The following DGKI variants were observed in gnomAD, a reference collection of about 807,000 sequenced individuals.
The protein encoded by DGKI is DAG kinase iota.
A neutral mutation model predicts 147.5 loss-of-function variants in DGKI; 55 were observed. That is an observed-to-expected ratio of 0.37 (90% CI 0.30 to 0.47). The LOEUF is 0.47. Ranked by LOEUF, DGKI falls within the 20% of genes least tolerant of loss-of-function variation. DGKI has a pLI of 1.00. For synonymous variants in DGKI, 469 were observed against 477.1 expected, an observed-to-expected ratio of 0.98 and a Z score of 0.22; for missense variants, 1,007 against 1,323.8, an observed-to-expected ratio of 0.76 and a Z score of 3.71.
chr7:137,455,023 A>G (rs1464615476), intron 27 of DGKI: 4 of 152,176 alleles, frequency 2.6e-5, no homozygotes, highest in Non-Finnish European at 4.4e-5. Flanking sequence ...CGGATATGCA[A>G]TATCTCCCTG....
rs143165394 is a variant in DGKI at position 137,401,691 on chromosome 7, T to G, written c.2921-4278A>C. 1.9e-3 allele frequency among the ~76,000 whole-genome samples: 283 copies of G among 152,308 alleles called. 2 individuals carry two copies. The highest frequency in any genetic ancestry group is 6.4e-3 in the African/African-American group (264 of 41,570). ...AAATTGTCAGCAGAGAATTCACTGT[T>G]GTTTCCTCAATAGAAAAGGAAATCT... On this transcript the variant is annotated intron_variant, in intron 30 of 32. Coordinates refer to ENST00000614521, the MANE Select transcript of DGKI (RefSeq NM_001321708.2).
intron 6 of DGKI, among the ~76,000 whole-genome samples, chr7:137,626,722 T>A (rs1820956443): frequency 6.6e-6 from 1 of 152,092 alleles, no homozygotes; most frequent in South Asian, 2.1e-4. Flanking sequence ...GAGACCCGAG[T>A]GCCTCTGTCC....
chr7:137,670,727 C>T (rs1036641025), intron 3 of DGKI, among the ~76,000 whole-genome samples: 10 of 152,212 alleles, frequency 6.6e-5, no homozygotes, highest in East Asian at 1.9e-4. Context: ...ACTCAGAGAG[C>T]GGGCTTTGCC....
chr7:137,768,731 T>C (rs762281077), intron 1 of DGKI, among the ~76,000 whole-genome samples: 1 of 152,132 alleles, frequency 6.6e-6, no homozygotes, highest in Non-Finnish European at 1.5e-5. Flanking sequence ...CTTGCCTTCC[T>C]CCTCCAGAGC....
chr7:137,716,743 C>T (rs75021861), intron 1 of DGKI, among the ~76,000 whole-genome samples: 2 of 152,198 alleles, frequency 1.3e-5, no homozygotes, highest in African/African-American at 4.8e-5. Flanking sequence ...TGTCCGAATT[C>T]CCCAAGATCA....
At chr7:137,752,161 T>TA (rs1173347553) in intron 1 of DGKI, among the ~76,000 whole-genome samples, 1 of 151,644 alleles carries the variant, frequency 6.6e-6, no homozygotes, top group Non-Finnish European at 1.5e-5. Flanking sequence ...CCCTGGATAA[T>TA]AAAAGTTGTG....
rs192127433 is a variant in DGKI, at chr7:137,387,793, C to A, written c.*3427G>T. On this transcript the variant is annotated 3_prime_UTR_variant, in exon 33 of 33. Coordinates refer to ENST00000614521, the MANE Select transcript of DGKI (RefSeq NM_001321708.2). ...GTGCCATTTTTATAATTTAAAAAAACCCCTAAATATTATTAATAAAATTGA... is the reference window on the plus strand; with the variant it reads ...GTGCCATTTTTATAATTTAAAAAAAACCCTAAATATTATTAATAAAATTGA... 23 of 152,074 alleles carry A rather than the reference C, an allele frequency of 1.5e-4. No individual in the cohort carries two copies. Among genetic ancestry groups the A allele is most frequent in the Admixed American group, 2.6e-4 (4 of 15,254 alleles). The allele number at this position is 152,074 out of a possible 1,614,324, so 9.4% of individuals were successfully genotyped here.
At chr7:137,691,695 C>T (rs1823608139) in intron 1 of DGKI, among the ~76,000 whole-genome samples, 1 of 151,928 alleles carries the variant, frequency 6.6e-6, no homozygotes, top group African/African-American at 2.4e-5. Context: ...AGCCCCCAAG[C>T]CTGAGGAAAC....
At chr7:137,432,843 G>T (rs1394706943) in intron 28 of DGKI, among the ~76,000 whole-genome samples, 2 of 152,138 alleles carry the variant, frequency 1.3e-5, no homozygotes, top group Admixed American at 1.3e-4. Context: ...CCCTGGTAAG[G>T]CCAAAGGGAT....
chr7:137,432,473 C>G (rs1813118218), intron 28 of DGKI, among the ~76,000 whole-genome samples: 1 of 152,214 alleles, frequency 6.6e-6, no homozygotes, highest in South Asian at 2.1e-4. Flanking sequence ...CACACTTCAT[C>G]TCTTCCTGTC....
At chr7:137,770,981 T>A (rs1324135890) in intron 1 of DGKI, among the ~76,000 whole-genome samples, 1 of 152,210 alleles carries the variant, frequency 6.6e-6, no homozygotes, top group East Asian at 1.9e-4. Context: ...AATGAGTAAA[T>A]AAGGAGTGAA....
chr7:137,491,259 G>C (rs1815754128), intron 21 of DGKI, among the ~76,000 whole-genome samples: 1 of 152,298 alleles, frequency 6.6e-6, no homozygotes, highest in South Asian at 2.1e-4. Context: ...ACCCATTGTG[G>C]AAAGGCACAG....
At chr7:137,455,584 T>C (rs1436081797) in intron 27 of DGKI, among the ~76,000 whole-genome samples, 1 of 134,724 alleles carries the variant, frequency 7.4e-6, no homozygotes, top group East Asian at 2.2e-4. Context: ...TGTTGGAGGA[T>C]TGTTGTTCTT....
At chr7:137,754,707 G>A (rs1021979564) in intron 1 of DGKI, among the ~76,000 whole-genome samples, 2 of 152,146 alleles carry the variant, frequency 1.3e-5, no homozygotes, top group East Asian at 1.9e-4. Context: ...ATAGATCCAC[G>A]ACATGACCAG....
At chr7:137,448,471 T>C (rs1813800293) in intron 27 of DGKI, among the ~76,000 whole-genome samples, 1 of 142,850 alleles carries the variant, frequency 7.0e-6, no homozygotes, top group African/African-American at 2.7e-5. Context: ...AATCTTCGTG[T>C]AATTTAGAAA....
intron 2 of DGKI, among the ~76,000 whole-genome samples, chr7:137,682,073 C>T (rs1823257991): frequency 6.6e-6 from 1 of 152,048 alleles, no homozygotes; most frequent in Non-Finnish European, 1.5e-5. Context: ...CTGTAATAAA[C>T]CACAAATGTG....
intron 1 of DGKI, among the ~76,000 whole-genome samples, chr7:137,821,253 G>C (rs1797888033): frequency 6.6e-6 from 1 of 152,180 alleles, no homozygotes; most frequent in African/African-American, 2.4e-5. Context: ...TATTTTGAAA[G>C]GAGTTGATGG....
At chr7:137,504,060 T>C (rs1816280969) in intron 21 of DGKI, among the ~76,000 whole-genome samples, 1 of 152,102 alleles carries the variant, frequency 6.6e-6, no homozygotes, top group Admixed American at 6.6e-5. Context: ...GCCTGCTTGA[T>C]GACACAAGCC....
At chr7:137,707,735 G>A (rs1406317312) in intron 1 of DGKI, among the ~76,000 whole-genome samples, 1 of 152,066 alleles carries the variant, frequency 6.6e-6, no homozygotes, top group African/African-American at 2.4e-5. Context: ...TTTACTTCCT[G>A]TACAGCCTGC....
Sources: gnomAD v4.1 joint callset for allele counts (sites outside exome capture counted in the v4.1 genomes callset) on GRCh38, gnomAD v4.1.1 for gene constraint, MANE v1.5 for transcripts, NCBI Gene and HGNC (gene_info 2026-07-23, HGNC 2026-07-21) for gene names.